Variants in KIAA1191 observed in about 807,000 individuals in gnomAD.
KIAA1191 encodes putative monooxygenase p33MONOX.
Under a neutral mutation model 31.1 loss-of-function variants are expected in KIAA1191, and 22 were observed. That is an observed-to-expected ratio of 0.71 (90% CI 0.51 to 1.01). KIAA1191 has a LOEUF of 1.01. Ranked by LOEUF, KIAA1191 falls within the 50% of genes least tolerant of loss-of-function variation. KIAA1191 has a pLI of 0.00. For missense variants in KIAA1191, 319 were observed against 388.0 expected, an observed-to-expected ratio of 0.82 and a Z score of 1.49; for synonymous variants, 130 against 143.9, an observed-to-expected ratio of 0.90 and a Z score of 0.69.
Position 176,346,387 on chromosome 5 carries a change from C to G in KIAA1191, c.*1213G>C, listed in dbSNP as rs1235626388. ...AAAATTTTGAATTGAGTGACCTCCC[C>G]GCACAGGCGTTCCAGGCCCTGACCT... On this transcript the variant is annotated 3_prime_UTR_variant, in exon 9 of 9. Transcript: ENST00000298569. The G allele has an allele frequency of 6.6e-6, 1 of 152,202 alleles. No homozygotes were observed. The highest frequency in any genetic ancestry group is 1.5e-5 in the Non-Finnish European group (1 of 68,048). 9.4% of individuals were successfully genotyped at this position (152,202 alleles called of 1,614,324 possible). A position where few individuals can be genotyped will look rare whatever the true frequency, so the allele number is the denominator to read the frequency against.
At position 176,355,617 on chromosome 5, in the gene KIAA1191, G is replaced by A; in HGVS notation, c.161C>T (p.Pro54Leu). ...GCGCTCTGGAATCACTGGCTTCCAA[G>A]GGACGCTGCCCATGTCCGATGGAGG... ...TPPPSDMGSV[P>L]WKPVIPERKY... Residue 54 changes from proline to leucine, a missense_variant, in exon 4 of 9, where the codon CCT becomes CTT. By Grantham distance (98) the Pro-to-Leu change is moderately conservative. Coordinates refer to ENST00000298569, the MANE Select transcript of KIAA1191 (RefSeq NM_020444.5). The surrounding 1 kb of genome is among the most constrained non-coding windows in gnomAD (Gnocchi z 4.2). The A allele has an allele frequency of 6.2e-7, 1 of 1,612,214 alleles. No homozygotes were observed. The highest frequency in any genetic ancestry group is 8.5e-7 in the Non-Finnish European group (1 of 1,179,720).
At position 176,355,228 on chromosome 5, in the gene KIAA1191, A is replaced by T. The variant is rs1767396336; in HGVS notation, c.207+343T>A. ...AGCAGACAAGGCCATTCTAGTTTTGAATTAAAAAGAAAAAAAAAAGGAGGG... is the reference window on the plus strand; with the variant it reads ...AGCAGACAAGGCCATTCTAGTTTTGTATTAAAAAGAAAAAAAAAAGGAGGG... On this transcript the variant is annotated intron_variant, in intron 4 of 8. Transcript: ENST00000298569. The surrounding 1 kb of genome is among the most constrained non-coding windows in gnomAD (Gnocchi z 4.2). Among the ~76,000 whole-genome samples, 1 of 151,912 alleles carries T rather than the reference A, an allele frequency of 6.6e-6. No individual in the cohort carries two copies. The highest frequency in any genetic ancestry group is 2.4e-5 in the African/African-American group (1 of 41,330).
chr5:176,351,713 A>G (rs1388643358), intron 5 of KIAA1191, among the ~76,000 whole-genome samples: 1 of 151,532 alleles, frequency 6.6e-6, no homozygotes, highest in Non-Finnish European at 1.5e-5. Context: ...AGCTGAGACC[A>G]CAGCATTGCA....
chr5:176,352,738 C>T lies in KIAA1191; in HGVS notation c.218G>A (p.Gly73Glu), dbSNP rs774487248. 6.2e-7 allele frequency: 1 copy of T among 1,613,384 alleles called. No individual in the cohort carries two copies. Among genetic ancestry groups the T allele is most frequent in the Admixed American group, 1.7e-5 (1 of 59,984 alleles). Residue 73 changes from glycine (G) to glutamate (E), a missense_variant, in exon 5 of 9, where the codon GGA becomes GAA. Gly to Glu is a moderately conservative substitution (Grantham distance 98). Coordinates refer to ENST00000298569, the MANE Select transcript of KIAA1191 (RefSeq NM_020444.5). ...GGCAGGGGAGGGTAGACTGGCCTCT[C>T]CTTCCTCCACCTGTTCAAGAGAGGT... The part of the protein sequence containing the change: ...KYQHLAKVEE[G>E]EASLPSPAMT...
chr5:176,350,501 G>A (rs1343535777), intron 6 of KIAA1191, 112 bp downstream of exon 6: 31 of 1,343,386 alleles, frequency 2.3e-5, no homozygotes, highest in Admixed American at 8.6e-5. Flanking sequence ...GCTCGGGAGC[G>A]AGACTAACTC....
intron 3 of KIAA1191, among the ~76,000 whole-genome samples, chr5:176,358,135 T>G (rs1016648255): frequency 5.3e-5 from 8 of 152,198 alleles, no homozygotes; most frequent in African/African-American, 1.7e-4. Context: ...AACCCAGAAC[T>G]TGACTCATTA....
intron 3 of KIAA1191, among the ~76,000 whole-genome samples, chr5:176,358,502 G>A (rs1434838501): frequency 6.7e-6 from 1 of 149,086 alleles, no homozygotes; most frequent in Non-Finnish European, 1.5e-5. Flanking sequence ...GATCACCTGA[G>A]GTCAGGAGTT....
At chr5:176,359,609 C>G (rs1195718898) in intron 2 of KIAA1191, 42 bp from the exon 3 acceptor site, 7 of 926,198 alleles carry the variant, frequency 7.6e-6, no homozygotes, top group Non-Finnish European at 1.1e-5. Flanking sequence ...GTGAGCAGCA[C>G]CAATGCTGTT....
Position 176,352,877 on chromosome 5 carries a change from A to T in KIAA1191, c.208-129T>A, listed in dbSNP as rs890195745. On this transcript the variant is annotated intron_variant, in intron 4 of 8. Transcript: ENST00000298569. ...GGTAAGTGAGGAAATCATTGAAGGG[A>T]GGAGTTGGTCATCTCCACCCAGCTA... is the stretch of plus-strand genomic sequence containing the variant. 8 of 1,040,210 alleles carry T rather than the reference A, an allele frequency of 7.7e-6. No individual in the cohort carries two copies. The Admixed American group carries it at 2.1e-4, about 27-fold the overall frequency. 64.4% of individuals were successfully genotyped at this position (1,040,210 alleles called of 1,614,324 possible). A position where few individuals can be genotyped will look rare whatever the true frequency, so the allele number is the denominator to read the frequency against.
rs1432881649 is a variant in KIAA1191, at chr5:176,355,475, C to T, written c.207+96G>A. The stretch of plus-strand genomic sequence containing the variant: ...AACACATACAGGGAGTGGTTGCTGC[C>T]CAGTCCCATGGGCACAGGGAGCCAC... On this transcript the variant is annotated intron_variant, in intron 4 of 8. Transcript: ENST00000298569. This position sits in a 1 kb window ranked among gnomAD's most constrained non-coding sequence, Gnocchi z 4.2. 71 of 1,158,026 alleles carry T rather than the reference C, an allele frequency of 6.1e-5. No homozygotes were observed. Among genetic ancestry groups the T allele is most frequent in the Non-Finnish European group, 8.7e-5 (70 of 802,282 alleles). The allele number at this position is 1,158,026 out of a possible 1,614,324, so 71.7% of individuals were successfully genotyped here. A position where few individuals can be genotyped will look rare whatever the true frequency, so the allele number is the denominator to read the frequency against.
intron 5 of KIAA1191, 116 bp from the exon 6 acceptor site, chr5:176,350,853 A>C: frequency 7.8e-7 from 1 of 1,288,596 alleles, no homozygotes; most frequent in Non-Finnish European, 1.1e-6. Context: ...TGACCATTCA[A>C]AGAAGAGGAG....
chr5:176,359,360 TA>T, intron 3 of KIAA1191, 120 bp downstream of exon 3: 1 of 894,596 alleles, frequency 1.1e-6, no homozygotes, highest in Non-Finnish European at 1.8e-6. Flanking sequence ...CTAGTAAATC[TA>T]AATACTCGCT....
chr5:176,357,625 G>T (rs1051810247), intron 3 of KIAA1191, among the ~76,000 whole-genome samples: 1 of 152,020 alleles, frequency 6.6e-6, no homozygotes, highest in East Asian at 1.9e-4. Context: ...GACCTGAGCC[G>T]GTGCACACAC....
At chr5:176,354,006 C>T (rs1301435578) in intron 4 of KIAA1191, among the ~76,000 whole-genome samples, 1 of 152,214 alleles carries the variant, frequency 6.6e-6, no homozygotes, top group Non-Finnish European at 1.5e-5. Context: ...GCTGTAGGGG[C>T]ACTTTCTTAG....
chr5:176,359,451 C>A, intron 3 of KIAA1191, 30 bp downstream of exon 3: 1 of 1,608,920 alleles, frequency 6.2e-7, no homozygotes, highest in Non-Finnish European at 8.5e-7. Flanking sequence ...AAGGGCAAAA[C>A]ATGATTTTAC....
At chr5:176,350,344 C>T (rs1766875841) in intron 6 of KIAA1191, among the ~76,000 whole-genome samples, 1 of 152,304 alleles carries the variant, frequency 6.6e-6, no homozygotes, top group East Asian at 1.9e-4. Context: ...GCCCAGTTCT[C>T]CCCAAGATAC....
chr5:176,351,626 T>C (rs2878415), intron 5 of KIAA1191, among the ~76,000 whole-genome samples: 31,433 of 150,670 alleles, frequency 0.21, 3,355 homozygotes, highest in Middle Eastern at 0.29. Flanking sequence ...GGCGTGGTGG[T>C]GGGCGCCTGT....
In KIAA1191 at chr5:176,355,696, G is replaced by C; in HGVS notation, c.82C>G (p.Arg28Gly). 1 of 1,613,736 alleles carries C rather than the reference G, an allele frequency of 6.2e-7. No homozygotes were observed. Among genetic ancestry groups the C allele is most frequent in the Non-Finnish European group, 8.5e-7 (1 of 1,180,030 alleles). ...GKMSLPIGIYRRAVSYDDTLE... is the reference protein window; with the variant it reads ...GKMSLPIGIYGRAVSYDDTLE... ...GTATCATCATAGCTGACTGCCCGGC[G>C]GTATATCCCGATGGGCAGGGACATC... The change falls in exon 4 of 9, where the codon CGC (arginine) becomes GGC (glycine). Residue 28 changes from arginine to glycine, a missense_variant. Arg to Gly is a moderately radical substitution (Grantham distance 125). Transcript: ENST00000298569. This position sits in a 1 kb window ranked among gnomAD's most constrained non-coding sequence, Gnocchi z 4.2.
At chr5:176,352,514 G>A (rs767326159) in intron 5 of KIAA1191, 108 bp downstream of exon 5, 22 of 1,301,770 alleles carry the variant, frequency 1.7e-5, no homozygotes, top group Admixed American at 4.5e-5. Flanking sequence ...CATTTTTTAG[G>A]ATAAGGTAAG....
Sources: allele counts gnomAD v4.1 joint callset (sites outside exome capture counted in the v4.1 genomes callset), GRCh38; gene constraint gnomAD v4.1.1; non-coding constraint Gnocchi (gnomAD v3.1); transcripts MANE v1.5; gene names NCBI Gene and HGNC (gene_info 2026-07-23, HGNC 2026-07-21).